Variants in RSU1 observed in about 807,000 individuals in gnomAD.
RSU1 encodes the protein Ras suppressor protein 1, also known as rsu-1.
RSU1 carries 26 observed loss-of-function variants against 31.1 expected under a neutral mutation model. The ratio of observed to expected loss-of-function variants is 0.84; its 90% CI spans 0.61 to 1.16. RSU1 has a LOEUF of 1.16. RSU1 is among the 50% of genes most tolerant of loss of function. The pLI is 0.00. For synonymous variants in RSU1, 164 were observed against 136.3 expected, an observed-to-expected ratio of 1.20 and a Z score of -1.41; for missense variants, 320 against 339.1, an observed-to-expected ratio of 0.94 and a Z score of 0.44.
chr10:16,630,131 C>A (rs1173156345), intron 8 of RSU1, among the ~76,000 whole-genome samples: 1 of 151,980 alleles, frequency 6.6e-6, no homozygotes, highest in Non-Finnish European at 1.5e-5. Context: ...GTCTCAAACT[C>A]CTGGGCTCAA....
chr10:16,754,490 G>T (rs1442039405), intron 5 of RSU1, among the ~76,000 whole-genome samples: 1 of 151,164 alleles, frequency 6.6e-6, no homozygotes, highest in Non-Finnish European at 1.5e-5. Context: ...TAAATAATTG[G>T]TTGGAATATC....
intron 3 of RSU1, among the ~76,000 whole-genome samples, chr10:16,768,750 T>C (rs1837368864): frequency 6.6e-6 from 1 of 152,226 alleles, no homozygotes; most frequent in African/African-American, 2.4e-5. Flanking sequence ...TCAAGAGTTT[T>C]GTCCATCTGA....
chr10:16,733,183 A>G (rs1836549409), intron 7 of RSU1, among the ~76,000 whole-genome samples: 1 of 152,162 alleles, frequency 6.6e-6, no homozygotes, highest in South Asian at 2.1e-4. Context: ...GCAAAGTTAT[A>G]TAAATCTTAT....
At chr10:16,609,640 T>C (rs928236440) in intron 8 of RSU1, among the ~76,000 whole-genome samples, 4 of 152,234 alleles carry the variant, frequency 2.6e-5, no homozygotes, top group South Asian at 4.1e-4. Flanking sequence ...TATTTTCAAA[T>C]GTCAACCAAC....
At chr10:16,673,213 A>G (rs1196515340) in intron 8 of RSU1, among the ~76,000 whole-genome samples, 1 of 151,206 alleles carries the variant, frequency 6.6e-6, no homozygotes, top group African/African-American at 2.4e-5. Context: ...GGTACCTGGT[A>G]GGACTCAGAG....
intron 2 of RSU1, among the ~76,000 whole-genome samples, chr10:16,802,541 T>C (rs528742393): frequency 1.1e-4 from 17 of 152,166 alleles, no homozygotes; most frequent in South Asian, 2.1e-4. Context: ...TTTCACAAAA[T>C]AGAAGCAAAG....
rs1835640936 is a variant in RSU1 at position 16,694,871 on chromosome 10, A to G, written c.731+152T>C. On this transcript the variant is annotated intron_variant, in intron 8 of 8. Coordinates refer to ENST00000345264, the MANE Select transcript of RSU1 (RefSeq NM_012425.4). ...GGATTACAGCTGTGAGCCACACCACACCTGGCCGACATGCAGTTTTTAATA... is the reference window on the plus strand; with the variant it reads ...GGATTACAGCTGTGAGCCACACCACGCCTGGCCGACATGCAGTTTTTAATA... 3 of 706,340 alleles carry G rather than the reference A, an allele frequency of 4.2e-6. No individual in the cohort carries two copies. The South Asian group carries it at 6.4e-5, about 15-fold the overall frequency. The allele number at this position is 706,340 out of a possible 1,614,324, so 43.8% of individuals were successfully genotyped here.
chr10:16,760,252 G>A (rs1182940270), intron 4 of RSU1, among the ~76,000 whole-genome samples: 1 of 152,226 alleles, frequency 6.6e-6, no homozygotes, highest in Non-Finnish European at 1.5e-5. Flanking sequence ...GCTCATGCCT[G>A]TAATCCCAGC....
rs576969470 is a variant in RSU1 at position 16,673,445 on chromosome 10, C to T, written c.731+21578G>A. ...AGAAACAAAATACCAATTTTCTCCT[C>T]AACACTTAATTAACAATGGGAATTT... is the stretch of plus-strand genomic sequence containing the variant. On this transcript the variant is annotated intron_variant, in intron 8 of 8. Coordinates refer to ENST00000345264, the MANE Select transcript of RSU1 (RefSeq NM_012425.4). Among the ~76,000 whole-genome samples, 4 of 151,790 alleles carry T rather than the reference C, an allele frequency of 2.6e-5. No individual in the cohort carries two copies. The East Asian group carries it at 7.7e-4, about 29-fold the overall frequency.
intron 7 of RSU1, among the ~76,000 whole-genome samples, chr10:16,724,348 T>A (rs1231233858): frequency 1.3e-5 from 2 of 152,210 alleles, no homozygotes; most frequent in Non-Finnish European, 2.9e-5. Flanking sequence ...AATGGTTTCA[T>A]AAATAAATGG....
At chr10:16,597,267 G>C (rs949961393) in intron 8 of RSU1, among the ~76,000 whole-genome samples, 9 of 152,160 alleles carry the variant, frequency 5.9e-5, no homozygotes, top group African/African-American at 2.2e-4. Flanking sequence ...TTTCAGAAGG[G>C]GTTGCAAAAG....
chr10:16,817,225 G>T, intron 1 of RSU1, 90 bp downstream of exon 1: 3 of 536,890 alleles, frequency 5.6e-6, no homozygotes, highest in Non-Finnish European at 6.5e-6. Flanking sequence ...GCTGGTCCGG[G>T]TGCGGGGAGG....
chr10:16,610,047 C>G (rs914177548), intron 8 of RSU1, among the ~76,000 whole-genome samples: 1 of 152,088 alleles, frequency 6.6e-6, no homozygotes, highest in Non-Finnish European at 1.5e-5. Flanking sequence ...CCAATATAGC[C>G]AAAATATCAT....
At chr10:16,677,506 C>T (rs1835255582) in intron 8 of RSU1, among the ~76,000 whole-genome samples, 1 of 152,128 alleles carries the variant, frequency 6.6e-6, no homozygotes, top group South Asian at 2.1e-4. Flanking sequence ...CTAGTAAAAG[C>T]CACTCAATAC....
chr10:16,729,136 C>T (rs540728050), intron 7 of RSU1, among the ~76,000 whole-genome samples: 50 of 152,336 alleles, frequency 3.3e-4, no homozygotes, highest in Non-Finnish European at 5.7e-4. Context: ...AAATACTATT[C>T]ATAAAGCATC....
intron 7 of RSU1, among the ~76,000 whole-genome samples, chr10:16,731,044 G>C (rs1415740727): frequency 6.6e-6 from 1 of 152,090 alleles, no homozygotes; most frequent in Non-Finnish European, 1.5e-5. Flanking sequence ...GGCTGGTCTA[G>C]AACTCCTGAT....
intron 8 of RSU1, among the ~76,000 whole-genome samples, chr10:16,694,020 G>A (rs1183169208): frequency 6.6e-6 from 1 of 152,070 alleles, no homozygotes; most frequent in Non-Finnish European, 1.5e-5. Flanking sequence ...TTTGATAAAT[G>A]ACAGTTTGTT....
rs1455217122 is a variant in RSU1, at chr10:16,785,497, T to TAC, written c.110-3414_110-3413insGT. Among the ~76,000 whole-genome samples the TAC allele has an allele frequency of 1.5e-3, 192 of 126,270 alleles. 3 individuals carry two copies. The highest frequency in any genetic ancestry group is 6.1e-3 in the African/African-American group (172 of 28,152). 82.8% of individuals were successfully genotyped at this position (126,270 alleles called of 152,430 possible). ...ACATATATACATATATACATATATA[T>TAC]ATACACATATATACATATATATATA... On this transcript the variant is annotated intron_variant, in intron 2 of 8. Transcript: ENST00000345264.
chr10:16,771,657 C>T (rs1400904589), intron 3 of RSU1, among the ~76,000 whole-genome samples: 9 of 151,996 alleles, frequency 5.9e-5, no homozygotes, highest in African/African-American at 1.9e-4. Flanking sequence ...TGTTTTCTGG[C>T]CAAAAACACA....
Sources: allele counts gnomAD v4.1 joint callset (sites outside exome capture counted in the v4.1 genomes callset), GRCh38; gene constraint gnomAD v4.1.1; transcripts MANE v1.5; gene names NCBI Gene and HGNC (gene_info 2026-07-23, HGNC 2026-07-21).